NOB1: variants seen among roughly 807,000 people sequenced by gnomAD.
The protein encoded by NOB1 is NIN1 (RPN12) binding protein 1 homolog, also known as RNA-binding protein NOB1.
NOB1 carries 44 observed loss-of-function variants against 44.8 expected under a neutral mutation model. That is an observed-to-expected ratio of 0.98 (90% CI 0.77 to 1.26). The LOEUF (loss-of-function observed/expected upper bound fraction) is 1.26, where lower values mean the gene tolerates loss of function less well. NOB1 is among the 50% of genes most tolerant of loss of function. The pLI is 0.00. For missense variants in NOB1, 560 were observed against 544.8 expected (o/e 1.03, Z -0.28); for synonymous variants, 238 against 218.7 (o/e 1.09, Z -0.78).
At chr16:69,747,978 T>C (rs890560235) in intron 7 of NOB1, among the ~76,000 whole-genome samples, 5 of 152,028 alleles carry the variant, frequency 3.3e-5, no homozygotes, top group Admixed American at 3.3e-4. Flanking sequence ...ACCAACATGG[T>C]GAAACCCCGC....
At chr16:69,745,082 C>T (rs2038418898) in intron 7 of NOB1, 65 bp from the exon 8 acceptor site, 1 of 1,572,278 alleles carries the variant, frequency 6.4e-7, no homozygotes, top group African/African-American at 1.3e-5. Flanking sequence ...CCCCAGAGCA[C>T]AAGGTGGGTC....
chr16:69,749,501 A>G, intron 4 of NOB1, 58 bp downstream of exon 4: 1 of 1,555,616 alleles, frequency 6.4e-7, no homozygotes, highest in Non-Finnish European at 8.8e-7. Context: ...GATGACTTAG[A>G]GAGATGTGAC....
At chr16:69,743,442 G>A (rs554947612) in intron 8 of NOB1, among the ~76,000 whole-genome samples, 1 of 152,170 alleles carries the variant, frequency 6.6e-6, no homozygotes, top group Admixed American at 6.6e-5. Context: ...GGTGGCAGAA[G>A]CCACTGAACC....
chr16:69,749,031 C>A lies in NOB1; in HGVS notation c.613G>T (p.Gly205Trp). ...TTACTGGGGGTTATCCAGCCACCCC[C>A]GTCGTCATCGCTGTCATCTTTTCTG... ...EDRKDDSDDD[G>W]GGWITPSNIK... Residue 205 changes from glycine to tryptophan, a missense_variant, in exon 6 of 9, where the codon GGG becomes TGG. Physicochemically the swap from Gly to Trp is radical, Grantham distance 184. Transcript: ENST00000268802. 1 of 1,614,254 alleles carries A rather than the reference C, an allele frequency of 6.2e-7. No homozygotes were observed. The highest frequency in any genetic ancestry group is 1.1e-5 in the South Asian group (1 of 91,090).
At chr16:69,744,667 T>G (rs2038413690) in intron 8 of NOB1, among the ~76,000 whole-genome samples, 1 of 152,228 alleles carries the variant, frequency 6.6e-6, no homozygotes, top group South Asian at 2.1e-4. Flanking sequence ...GAGCCGCTAC[T>G]GTAGCCTTTC....
At chr16:69,745,161 T>A in intron 7 of NOB1, 144 bp from the exon 8 acceptor site, 1 of 817,528 alleles carries the variant, frequency 1.2e-6, no homozygotes, top group South Asian at 1.8e-5. Flanking sequence ...CGGAGGCCAC[T>A]GAAGCTGTCA....
In NOB1 at chr16:69,742,565, T is replaced by C. The variant is rs2038393430; in HGVS notation, c.1006A>G (p.Ile336Val). 6.2e-7 allele frequency: 1 copy of C among 1,614,066 alleles called. No homozygotes were observed. The highest frequency in any genetic ancestry group is 8.5e-7 in the Non-Finnish European group (1 of 1,180,012). Residue 336 changes from isoleucine (I) to valine (V), a missense_variant, in exon 9 of 9, where the codon ATC becomes GTC. Physicochemically the swap from Ile to Val is conservative, Grantham distance 29 (BLOSUM62 3). Transcript: ENST00000268802. Reference protein sequence around the residue: ...LPTPKGGKYAINPHLTEDQRF... With the variant: ...LPTPKGGKYAVNPHLTEDQRF... Reference sequence around the variant, plus strand: ...TGATCCTCGGTGAGATGGGGGTTGATGGCGTATTTGCCCCCTTTGGGAGTG... The same window carrying C: ...TGATCCTCGGTGAGATGGGGGTTGACGGCGTATTTGCCCCCTTTGGGAGTG...
chr16:69,747,603 T>C (rs1339995123), intron 7 of NOB1, among the ~76,000 whole-genome samples: 1 of 152,044 alleles, frequency 6.6e-6, no homozygotes, highest in Non-Finnish European at 1.5e-5. Context: ...ACCCACTCCT[T>C]CTACTTGTGG....
In NOB1 at chr16:69,754,833, G is replaced by A; in HGVS notation, c.63+15C>T. Reference sequence around the variant, plus strand: ...CAGCCCAGATCTCTCTCGTCCCGGAGGGAGCTCCCCGTACCTGCAGAGCCG... The same window carrying A: ...CAGCCCAGATCTCTCTCGTCCCGGAAGGAGCTCCCCGTACCTGCAGAGCCG... On this transcript the variant is annotated intron_variant, in intron 1 of 8. Coordinates refer to ENST00000268802, the MANE Select transcript of NOB1 (RefSeq NM_014062.3). 1 of 1,605,262 alleles carries A rather than the reference G, an allele frequency of 6.2e-7. No individual in the cohort carries two copies. The highest frequency in any genetic ancestry group is 8.5e-7 in the Non-Finnish European group (1 of 1,176,654).
chr16:69,742,377 G>C lies in NOB1; in HGVS notation c.1194C>G (p.Arg398=), dbSNP rs772227022. 8 of 1,614,160 alleles carry C rather than the reference G, an allele frequency of 5.0e-6. No homozygotes were observed. The highest frequency in any genetic ancestry group is 6.8e-6 in the Non-Finnish European group (8 of 1,179,974). The change falls in exon 9 of 9, where the codon CGC becomes CGG. Residue 398 remains arginine (R), a synonymous_variant. Transcript: ENST00000268802. ...RDSTLGAGRR[R]LNPNASRKKF... The stretch of plus-strand genomic sequence containing the variant: ...TCTTTCTGGAAGCGTTGGGATTTAA[G>C]CGTCTCCGCCCAGCTCCCAAGGTGC...
Position 69,749,544 on chromosome 16 carries a change from T to G in NOB1, c.399+15A>C. The G allele has an allele frequency of 6.2e-7, 1 of 1,609,042 alleles. No individual in the cohort carries two copies. Among genetic ancestry groups the G allele is most frequent in the Non-Finnish European group, 8.5e-7 (1 of 1,177,480 alleles). ...AGAAAAGAGCATGAACGGCCTGGCT[T>G]GTCTAAGAAATTACCTTGTAGGGCA... On this transcript the variant is annotated intron_variant, in intron 4 of 8. Coordinates refer to ENST00000268802, the MANE Select transcript of NOB1 (RefSeq NM_014062.3).
intron 8 of NOB1, among the ~76,000 whole-genome samples, chr16:69,743,424 G>T (rs1381481185): frequency 6.6e-6 from 1 of 152,088 alleles, no homozygotes; most frequent in Non-Finnish European, 1.5e-5. Context: ...AACTTTACAG[G>T]GGATTAAGGT....
At chr16:69,751,206 C>T (rs908371410) in intron 3 of NOB1, among the ~76,000 whole-genome samples, 3 of 152,092 alleles carry the variant, frequency 2.0e-5, no homozygotes, top group Admixed American at 6.5e-5. Flanking sequence ...CTGCCTCAGA[C>T]GGGGTTGCCC....
chr16:69,748,497 G>A (rs2038452866), intron 6 of NOB1, among the ~76,000 whole-genome samples, 168 bp from the exon 7 acceptor site: 1 of 152,174 alleles, frequency 6.6e-6, no homozygotes, highest in Non-Finnish European at 1.5e-5. Context: ...CGAAGGCCCA[G>A]GTGTCTTTCT....
intron 6 of NOB1, 93 bp downstream of exon 6, chr16:69,748,825 C>T: frequency 8.5e-7 from 1 of 1,183,124 alleles, no homozygotes; most frequent in Non-Finnish European, 1.2e-6. Flanking sequence ...AAAAGAAGCG[C>T]TGCACAGCAC....
At chr16:69,746,069 C>T (rs1366400408) in intron 7 of NOB1, among the ~76,000 whole-genome samples, 2 of 152,328 alleles carry the variant, frequency 1.3e-5, no homozygotes, top group Non-Finnish European at 1.5e-5. Context: ...AAGGTATGGG[C>T]CGCTCTGAGG....
rs1201110500 is a variant in NOB1 at position 69,754,616 on chromosome 16, G to A, written c.174C>T (p.Pro58=). The change falls in exon 2 of 9, where the codon CCC becomes CCT. Residue 58 remains proline (P), a synonymous_variant. Coordinates refer to ENST00000268802, the MANE Select transcript of NOB1 (RefSeq NM_014062.3). ...CACCCAGCCGCACGTATTCCGGTAA[G>A]GGCTCCTTGAACCGCAGCTCGTAGG... ...VLPYELRFKE[P]LPEYVRLVTE... The A allele has an allele frequency of 7.4e-6, 12 of 1,614,028 alleles. No homozygotes were observed. The East Asian group carries it at 1.1e-4, about 15-fold the overall frequency.
intron 7 of NOB1, among the ~76,000 whole-genome samples, chr16:69,745,727 TGTG>T (rs566309712): frequency 9.4e-4 from 143 of 152,334 alleles, no homozygotes; most frequent in Non-Finnish European, 1.7e-3. Context: ...TCCCTGTCCT[TGTG>T]GAGTTCTCCA....
In NOB1 at chr16:69,742,605, G is replaced by C; in HGVS notation, c.970-4C>G. The C allele has an allele frequency of 6.2e-7, 1 of 1,613,780 alleles. No homozygotes were observed. The highest frequency in any genetic ancestry group is 8.5e-7 in the Non-Finnish European group (1 of 1,179,696). Reference sequence around the variant, plus strand: ...CTTTGGGAGTGGGAAGCGAGTACTGGAAATAAGACAAGGAAGGGCCATTAG... The same window carrying C: ...CTTTGGGAGTGGGAAGCGAGTACTGCAAATAAGACAAGGAAGGGCCATTAG... On this transcript the variant is annotated splice_region_variant and splice_polypyrimidine_tract_variant and intron_variant, in intron 8 of 8. Transcript: ENST00000268802.
Sources: gnomAD v4.1 joint callset for allele counts (sites outside exome capture counted in the v4.1 genomes callset) on GRCh38, gnomAD v4.1.1 for gene constraint, MANE v1.5 for transcripts, NCBI Gene and HGNC (gene_info 2026-07-23, HGNC 2026-07-21) for gene names.